Variants in PLCH1 observed in about 807,000 individuals in gnomAD.
PLCH1 encodes the protein phospholipase C eta 1, also known as 1-phosphatidylinositol 4,5-bisphosphate phosphodiesterase eta-1.
A neutral mutation model predicts 126.7 loss-of-function variants in PLCH1; 60 were observed. The observed-to-expected ratio is 0.47, with a 90% CI of 0.38 to 0.59. The LOEUF is 0.59. Ranked by LOEUF, PLCH1 falls within the 20% of genes least tolerant of loss-of-function variation. The probability of loss-of-function intolerance (pLI) is 0.00; values close to 1 mark genes in which losing one functional copy is unlikely to be tolerated. For missense variants in PLCH1, 1,723 were observed against 2,040.0 expected (o/e 0.84, Z 2.99); for synonymous variants, 719 against 734.9 (o/e 0.98, Z 0.35).
intron 2 of PLCH1, among the ~76,000 whole-genome samples, chr3:155,598,898 G>T (rs1277201432): frequency 6.6e-6 from 1 of 152,108 alleles, no homozygotes; most frequent in African/African-American, 2.4e-5. Flanking sequence ...AACCCTCAGT[G>T]TGATAGTATT....
At chr3:155,592,968 A>T (rs533070821) in intron 4 of PLCH1, among the ~76,000 whole-genome samples, 1 of 152,164 alleles carries the variant, frequency 6.6e-6, no homozygotes, top group South Asian at 2.1e-4. Flanking sequence ...CAGACTTTTC[A>T]CACTGTCAAG....
At chr3:155,734,454 T>G (rs1749005826) in intron 1 of PLCH1, among the ~76,000 whole-genome samples, 1 of 152,138 alleles carries the variant, frequency 6.6e-6, no homozygotes, top group Non-Finnish European at 1.5e-5. Flanking sequence ...AGTGAGACCC[T>G]ATCTCAAAAT....
intron 2 of PLCH1, among the ~76,000 whole-genome samples, chr3:155,633,412 T>TCACACACACACA (rs59152066): frequency 2.1e-4 from 30 of 142,452 alleles, no homozygotes; most frequent in African/African-American, 6.0e-4. Flanking sequence ...TTATATAACA[T>TCACACACACACA]CACACACACA....
At chr3:155,711,215 T>G (rs767787617) in intron 1 of PLCH1, among the ~76,000 whole-genome samples, 1 of 152,190 alleles carries the variant, frequency 6.6e-6, no homozygotes, top group Non-Finnish European at 1.5e-5. Flanking sequence ...GCAAATGGAC[T>G]AAAAGTATAG....
intron 21 of PLCH1, among the ~76,000 whole-genome samples, chr3:155,464,503 A>G (rs554823485): frequency 6.6e-6 from 1 of 152,100 alleles, no homozygotes; most frequent in African/African-American, 2.4e-5. Context: ...CAAATGAGAA[A>G]ACTTTGAAAT....
In PLCH1 at chr3:155,488,079, C is replaced by A; in HGVS notation, c.2568G>T (p.Leu856=). ...PGYRHVYLEG[L]TEASIFVHIT... is the part of the protein sequence containing the mutation. ...TGTGTACAAATATGGATGCTTCTGT[C>A]AGTCCTTCCAAATAGACATGCCGGT... The change falls in exon 21 of 23, where the codon CTG becomes CTT. Residue 856 remains leucine, a synonymous_variant. Transcript: ENST00000460012. 1 of 1,608,828 alleles carries A rather than the reference C, an allele frequency of 6.2e-7. No homozygotes were observed. The highest frequency in any genetic ancestry group is 1.1e-5 in the South Asian group (1 of 90,968).
At chr3:155,457,236 A>G (rs2351) in intron 21 of PLCH1, 55,963 of 152,038 alleles carry the variant, frequency 0.37, 12,398 homozygotes, top group African/African-American at 0.62. Flanking sequence ...CTCTGCTGGG[A>G]AAAAGGAGGA....
At chr3:155,560,956 A>G (rs570613674) in intron 8 of PLCH1, among the ~76,000 whole-genome samples, 1 of 152,268 alleles carries the variant, frequency 6.6e-6, no homozygotes, top group East Asian at 1.9e-4. Context: ...GCTCTTTTGT[A>G]TAAATCACAG....
rs1715025678 is a variant in PLCH1, at chr3:155,486,050, G to A, written c.2620-340C>T. On this transcript the variant is annotated intron_variant, in intron 21 of 22. Coordinates refer to ENST00000460012, the MANE Select transcript of PLCH1 (RefSeq NM_014996.4). Reference sequence around the variant, plus strand: ...AGCAACAGATGCATGTTTCAAAGTGGTAAGCAGGAAGATGGAGTGATATGA... The same window carrying A: ...AGCAACAGATGCATGTTTCAAAGTGATAAGCAGGAAGATGGAGTGATATGA... 1.4e-5 allele frequency: 11 copies of A among 770,444 alleles called. No homozygotes were observed. The South Asian group carries it at 2.0e-4, about 14-fold the overall frequency. 47.7% of individuals were successfully genotyped at this position (770,444 alleles called of 1,614,324 possible).
chr3:155,694,977 GGTCTA>G (rs1745690250), intron 2 of PLCH1, among the ~76,000 whole-genome samples: 1 of 137,810 alleles, frequency 7.3e-6, no homozygotes, highest in African/African-American at 2.8e-5. Flanking sequence ...TTTTAATGCA[GGTCTA>G]TTCTGTGCTC....
At chr3:155,618,468 G>A (rs1054720427) in intron 2 of PLCH1, among the ~76,000 whole-genome samples, 8 of 152,060 alleles carry the variant, frequency 5.3e-5, no homozygotes, top group East Asian at 3.9e-4. Context: ...TGAGTTTAAC[G>A]TCTGGATAGA....
intron 6 of PLCH1, 103 bp downstream of exon 6, chr3:155,583,369 A>G: frequency 2.2e-6 from 2 of 900,562 alleles, no homozygotes; most frequent in Non-Finnish European, 3.4e-6. Context: ...GATATTTACC[A>G]CCTTTGCAAA....
In PLCH1 at chr3:155,514,775, A is replaced by G; in HGVS notation, c.1580T>C (p.Val527Ala). The G allele has an allele frequency of 2.5e-6, 4 of 1,613,294 alleles. No individual in the cohort carries two copies. The highest frequency in any genetic ancestry group is 3.4e-6 in the Non-Finnish European group (4 of 1,179,442). The part of the protein sequence containing the change: ...RDKEDPDSFT[V>A]RALLKATHEG... ...ATGCGTGGCCTTCAGTAGTGCCCGC[A>G]CTGTGAAACTATCAGGATCTTCTTT... is the stretch of plus-strand genomic sequence containing the variant. Residue 527 changes from valine to alanine, a missense_variant, in exon 12 of 23, where the codon GTG becomes GCG. Physicochemically the swap from Val to Ala is moderately conservative, Grantham distance 64 (BLOSUM62 0). This residue lies in a region of PLCH1 where 776 missense variants were observed against 1,062.9 expected (regional missense o/e 0.73). Coordinates refer to ENST00000460012, the MANE Select transcript of PLCH1 (RefSeq NM_014996.4).
intron 10 of PLCH1, among the ~76,000 whole-genome samples, chr3:155,531,695 C>A (rs775443344): frequency 3.9e-5 from 6 of 152,192 alleles, no homozygotes; most frequent in Non-Finnish European, 7.3e-5. Flanking sequence ...CCTTCTAGAT[C>A]CCTTGCTGCA....
Position 155,556,687 on chromosome 3 carries a change from C to A in PLCH1, c.1070-2491G>T, listed in dbSNP as rs1399514366. 2.0e-5 allele frequency among the ~76,000 whole-genome samples: 3 copies of A among 152,286 alleles called. No homozygotes were observed. The East Asian group carries it at 5.8e-4, about 29-fold the overall frequency. Reference sequence around the variant, plus strand: ...TATGCTCCACAATGTGAGTGGGCCTCGCCCAGTCAGCTGAGAGCCTTAAGA... The same window carrying A: ...TATGCTCCACAATGTGAGTGGGCCTAGCCCAGTCAGCTGAGAGCCTTAAGA... On this transcript the variant is annotated intron_variant, in intron 8 of 22. Transcript: ENST00000460012.
rs150922120 is a variant in PLCH1 at position 155,581,689 on chromosome 3, T to C, written c.771+1783A>G. Among the ~76,000 whole-genome samples, 26 of 151,958 alleles carry C rather than the reference T, an allele frequency of 1.7e-4. 1 individual carries two copies. The East Asian group carries it at 5.0e-3, about 29-fold the overall frequency. On this transcript the variant is annotated intron_variant, in intron 6 of 22. Transcript: ENST00000460012. ...TTGCTAATAGGTTTGGGGTTTCTTCTTGGGGTGCCGAAAATGTTCTGAAAT... is the reference window on the plus strand; with the variant it reads ...TTGCTAATAGGTTTGGGGTTTCTTCCTGGGGTGCCGAAAATGTTCTGAAAT...
chr3:155,494,630 T>C (rs1284668036), intron 15 of PLCH1, 113 bp from the exon 16 acceptor site: 4 of 801,302 alleles, frequency 5.0e-6, no homozygotes, highest in East Asian at 5.2e-5. Flanking sequence ...AGCAGAGCAC[T>C]AGAGAGTGGA....
At chr3:155,589,070 A>G (rs1172537417) in intron 4 of PLCH1, among the ~76,000 whole-genome samples, 1 of 152,222 alleles carries the variant, frequency 6.6e-6, no homozygotes, top group Non-Finnish European at 1.5e-5. Flanking sequence ...AAAGAGAAAC[A>G]GTCATTCCTC....
intron 2 of PLCH1, among the ~76,000 whole-genome samples, chr3:155,689,118 A>C (rs1009792012): frequency 6.6e-6 from 1 of 152,174 alleles, no homozygotes; most frequent in African/African-American, 2.4e-5. Context: ...AGCAAAGAAA[A>C]AGAGAGACTC....
Sources: gnomAD v4.1 joint callset for allele counts (sites outside exome capture counted in the v4.1 genomes callset) on GRCh38, gnomAD v4.1.1 for gene constraint, gnomAD v4.1.1 regional missense constraint, MANE v1.5 for transcripts, NCBI Gene and HGNC (gene_info 2026-07-23, HGNC 2026-07-21) for gene names.